ATP1A1: variants seen among roughly 807,000 people sequenced by gnomAD.
The protein encoded by ATP1A1 is ATPase Na+/K+ transporting subunit alpha 1, also known as sodium/potassium-transporting ATPase subunit alpha-1.
ATP1A1 carries 14 observed loss-of-function variants against 114.8 expected under a neutral mutation model. The observed-to-expected ratio is 0.12, with a 90% CI of 0.08 to 0.19. ATP1A1 has a LOEUF of 0.19. Ranked by LOEUF, ATP1A1 falls within the 10% of genes least tolerant of loss-of-function variation. ATP1A1 has a pLI of 1.00. For missense variants in ATP1A1, 524 were observed against 1,290.7 expected, an observed-to-expected ratio of 0.41 and a Z score of 9.10; for synonymous variants, 471 against 466.3, an observed-to-expected ratio of 1.01 and a Z score of -0.13.
At chr1:116,373,779 G>T in intron 1 of ATP1A1, 1 of 1,199,718 alleles carries the variant, frequency 8.3e-7, no homozygotes, top group Non-Finnish European at 1.0e-6. Flanking sequence ...GACCCTGGGC[G>T]GGGGCTGCGC....
At position 116,400,620 on chromosome 1, in the gene ATP1A1, T is replaced by G. The variant is rs185960819; in HGVS notation, c.2573-241T>G. Reference sequence around the variant, plus strand: ...AGAGCAAGGCACATGTGTCTTTGTGTAGGCTCCAAAAAGTGACTCAAAAAG... The same window carrying G: ...AGAGCAAGGCACATGTGTCTTTGTGGAGGCTCCAAAAAGTGACTCAAAAAG... On this transcript the variant is annotated intron_variant, in intron 18 of 22. Transcript: ENST00000295598. 6.6e-4 allele frequency among the ~76,000 whole-genome samples: 100 copies of G among 152,308 alleles called. 1 individual carries two copies. Among genetic ancestry groups the G allele is most frequent in the Admixed American group, 2.2e-3 (34 of 15,300 alleles).
chr1:116,389,201 C>T lies in ATP1A1; in HGVS notation c.754+182C>T, dbSNP rs1036943905. On this transcript the variant is annotated intron_variant, in intron 7 of 22. Coordinates refer to ENST00000295598, the MANE Select transcript of ATP1A1 (RefSeq NM_000701.8). This position sits in a 1 kb window ranked among gnomAD's most constrained non-coding sequence, Gnocchi z 6.9. ...TTGTGGCAGTTTCCCTTCCCTCCAC[C>T]TCCACCCTGCCTCTTCTGTCAACAA... Among the ~76,000 whole-genome samples, 8 of 152,154 alleles carry T rather than the reference C, an allele frequency of 5.3e-5. No homozygotes were observed. The highest frequency in any genetic ancestry group is 1.9e-4 in the African/African-American group (8 of 41,442).
intron 1 of ATP1A1, among the ~76,000 whole-genome samples, chr1:116,376,215 A>G (rs1651355143): frequency 6.6e-6 from 1 of 152,216 alleles, no homozygotes; most frequent in Non-Finnish European, 1.5e-5. Context: ...ATTTACCGAA[A>G]AAATAAATCA....
rs1258644359 is a variant in ATP1A1 at position 116,390,488 on chromosome 1, A to G, written c.1222+77A>G. The G allele has an allele frequency of 2.8e-6, 4 of 1,417,628 alleles. No individual in the cohort carries two copies. The East Asian group carries it at 7.2e-5, about 25-fold the overall frequency. The allele number at this position is 1,417,628 out of a possible 1,614,324, so 87.8% of individuals were successfully genotyped here. A position where few individuals can be genotyped will look rare whatever the true frequency, so the allele number is the denominator to read the frequency against. ...TTTTTTCTTTTAAGAAATTGCATGA[A>G]ATTTCTTTTTTTTTTTTAAGCTCAT... On this transcript the variant is annotated intron_variant, in intron 9 of 22. Coordinates refer to ENST00000295598, the MANE Select transcript of ATP1A1 (RefSeq NM_000701.8).
At position 116,404,686 on chromosome 1, in the gene ATP1A1, G is replaced by GT; in HGVS notation, c.*247dup. 7.8e-7 allele frequency: 1 copy of GT among 1,281,536 alleles called. No individual in the cohort carries two copies. The highest frequency in any genetic ancestry group is 9.8e-7 in the Non-Finnish European group (1 of 1,019,084). 79.4% of individuals were successfully genotyped at this position (1,281,536 alleles called of 1,614,324 possible). On this transcript the variant is annotated 3_prime_UTR_variant, in exon 23 of 23. Transcript: ENST00000295598. This position sits in a 1 kb window ranked among gnomAD's most constrained non-coding sequence, Gnocchi z 4.8. The stretch of plus-strand genomic sequence containing the variant: ...GGGGAAGGTTTTTATGTGCCTTTTT[G>GT]TTTTTGTAAAAAAGGAACACCCGGA...
intron 1 of ATP1A1, among the ~76,000 whole-genome samples, chr1:116,374,415 A>G (rs1029138011): frequency 2.0e-5 from 3 of 152,136 alleles, no homozygotes; most frequent in African/African-American, 4.8e-5. Context: ...AACCCGAAAA[A>G]GGACTGGAGG....
In ATP1A1 at chr1:116,401,156, G is replaced by A; in HGVS notation, c.2745G>A (p.Glu915=). 1.9e-6 allele frequency: 3 copies of A among 1,614,200 alleles called. No homozygotes were observed. The highest frequency in any genetic ancestry group is 1.1e-5 in the South Asian group (1 of 91,090). Residue 915 remains glutamate (E), a synonymous_variant, in exon 20 of 23, where the codon GAG becomes GAA. Transcript: ENST00000295598. The surrounding 1 kb of genome is among the most constrained non-coding windows in gnomAD (Gnocchi z 4.7). ...CCTATGAGCAGAGGAAAATCGTGGA[G>A]TTCACCTGCCACACAGCCTTCTTCG... ...QWTYEQRKIV[E]FTCHTAFFVS...
rs183880157 is a variant in ATP1A1 at position 116,373,893 on chromosome 1, G to T, written c.12+370G>T. On this transcript the variant is annotated intron_variant, in intron 1 of 22. Coordinates refer to ENST00000295598, the MANE Select transcript of ATP1A1 (RefSeq NM_000701.8). ...GCAGCGGGGGCGGCCCCGGGACTGA[G>T]CCGGCATCCCTGAGCCTGGCTCCCC... is the stretch of plus-strand genomic sequence containing the variant. 8.9e-4 allele frequency: 1,158 copies of T among 1,298,496 alleles called. 11 individuals are homozygous for T. The African/African-American group carries it at 0.017, about 19-fold the overall frequency. The allele number at this position is 1,298,496 out of a possible 1,614,324, so 80.4% of individuals were successfully genotyped here.
chr1:116,375,324 C>G (rs1318793571), intron 1 of ATP1A1, among the ~76,000 whole-genome samples: 1 of 152,168 alleles, frequency 6.6e-6, no homozygotes, highest in Non-Finnish European at 1.5e-5. Flanking sequence ...ACATTGAGTT[C>G]TTTATACAGA....
In ATP1A1 at chr1:116,398,880, C is replaced by A. The variant is rs760995312; in HGVS notation, c.2294-50C>A. On this transcript the variant is annotated intron_variant, in intron 16 of 22. Coordinates refer to ENST00000295598, the MANE Select transcript of ATP1A1 (RefSeq NM_000701.8). This position sits in a 1 kb window ranked among gnomAD's most constrained non-coding sequence, Gnocchi z 6.1. ...TATACTTCTTGGATATGTTCAGTTTCCAGTGTGCTTGTCTCATAAGCTAAC... is the reference window on the plus strand; with the variant it reads ...TATACTTCTTGGATATGTTCAGTTTACAGTGTGCTTGTCTCATAAGCTAAC... The A allele has an allele frequency of 6.2e-7, 1 of 1,611,932 alleles. No individual in the cohort carries two copies. Among genetic ancestry groups the A allele is most frequent in the South Asian group, 1.1e-5 (1 of 90,996 alleles).
chr1:116,402,211 T>A (rs1653547769), intron 21 of ATP1A1, among the ~76,000 whole-genome samples: 2 of 152,046 alleles, frequency 1.3e-5, no homozygotes. Flanking sequence ...TGAATGACTC[T>A]GCATTTCAGA....
At position 116,373,366 on chromosome 1, in the gene ATP1A1, G is replaced by GCCCAGCCCCCC; in HGVS notation, c.-143_-142insAGCCCCCCCCC. Reference sequence around the variant, plus strand: ...GCGGCATCGGCCCGAGCCGCCGGCCGCCCTCCCACCCTCCCGCCCCGCGGC... The same window carrying GCCCAGCCCCCC: ...GCGGCATCGGCCCGAGCCGCCGGCCGCCCAGCCCCCCCCCTCCCACCCTCCCGCCCCGCGGC... On this transcript the variant is annotated 5_prime_UTR_variant, in exon 1 of 23. Transcript: ENST00000295598. 2 of 491,886 alleles carry GCCCAGCCCCCC rather than the reference G, an allele frequency of 4.1e-6. No homozygotes were observed. The highest frequency in any genetic ancestry group is 6.4e-4 in the Middle Eastern group (1 of 1,554). The allele number at this position is 491,886 out of a possible 1,614,324, so 30.5% of individuals were successfully genotyped here. A position where few individuals can be genotyped will look rare whatever the true frequency, so the allele number is the denominator to read the frequency against.
intron 8 of ATP1A1, 189 bp from the exon 9 acceptor site, chr1:116,390,024 A>C (rs1261276612): frequency 1.5e-6 from 1 of 687,096 alleles, no homozygotes; most frequent in Non-Finnish European, 2.4e-6. Context: ...TATTTTTCTT[A>C]ATAGATTGCT....
In ATP1A1 at chr1:116,385,010, G is replaced by A. The variant is rs1485350964; in HGVS notation, c.183+168G>A. ...AGAATTTGGGCATTTATATGCTACC[G>A]TTTCTTTTCCCTGAAACTTTTTGAA... On this transcript the variant is annotated intron_variant, in intron 3 of 22. Coordinates refer to ENST00000295598, the MANE Select transcript of ATP1A1 (RefSeq NM_000701.8). This position sits in a 1 kb window ranked among gnomAD's most constrained non-coding sequence, Gnocchi z 4.3. The A allele has an allele frequency of 1.1e-5, 7 of 641,834 alleles. No homozygotes were observed. Among genetic ancestry groups the A allele is most frequent in the African/African-American group, 1.9e-5 (1 of 51,766 alleles). 39.8% of individuals were successfully genotyped at this position (641,834 alleles called of 1,614,324 possible). A position where few individuals can be genotyped will look rare whatever the true frequency, so the allele number is the denominator to read the frequency against.
rs1653435225 is a variant in ATP1A1, at chr1:116,401,050, G to A, written c.2718+44G>A. 6.2e-7 allele frequency: 1 copy of A among 1,612,820 alleles called. No individual in the cohort carries two copies. The highest frequency in any genetic ancestry group is 8.5e-7 in the Non-Finnish European group (1 of 1,178,956). On this transcript the variant is annotated intron_variant, in intron 19 of 22. Coordinates refer to ENST00000295598, the MANE Select transcript of ATP1A1 (RefSeq NM_000701.8). This position sits in a 1 kb window ranked among gnomAD's most constrained non-coding sequence, Gnocchi z 4.7. ...CCTGACCAGTGTCAGAGCTCCTCAA[G>A]CCCCAGAAGACTGAGGCCACACTGC...
Position 116,374,126 on chromosome 1 carries a change from C to T in ATP1A1, c.12+603C>T, listed in dbSNP as rs1453541699. ...GGACGCTGGGGCTTAGCTTGCTCCG[C>T]GCAGAGGCGGCCGCCCTCCCCCAAA... is the stretch of plus-strand genomic sequence containing the variant. On this transcript the variant is annotated intron_variant, in intron 1 of 22. Coordinates refer to ENST00000295598, the MANE Select transcript of ATP1A1 (RefSeq NM_000701.8). 20 of 1,544,238 alleles carry T rather than the reference C, an allele frequency of 1.3e-5. No individual in the cohort carries two copies. In the East Asian group the frequency reaches 4.2e-4, roughly 32 times the overall value.
intron 9 of ATP1A1, 127 bp downstream of exon 9, chr1:116,390,538 T>TG (rs1652378417): frequency 2.4e-6 from 2 of 834,430 alleles, no homozygotes; most frequent in African/African-American, 2.6e-5. Context: ...TCTTTTTTGT[T>TG]TTTTTTTTTT....
chr1:116,385,843 G>A lies in ATP1A1; in HGVS notation c.183+1001G>A, dbSNP rs964451838. ...ATTGTTGGGGTGTAAGAGTAGAGAA[G>A]AGGCCGGGTGCGGTGGCTCATGCCT... On this transcript the variant is annotated intron_variant, in intron 3 of 22. Coordinates refer to ENST00000295598, the MANE Select transcript of ATP1A1 (RefSeq NM_000701.8). This position sits in a 1 kb window ranked among gnomAD's most constrained non-coding sequence, Gnocchi z 4.3. 2.0e-5 allele frequency: 3 copies of A among 152,202 alleles called. No homozygotes were observed. Among genetic ancestry groups the A allele is most frequent in the Admixed American group, 2.0e-4 (3 of 15,266 alleles). The allele number at this position is 152,202 out of a possible 1,614,324, so 9.4% of individuals were successfully genotyped here.
intron 18 of ATP1A1, among the ~76,000 whole-genome samples, chr1:116,400,496 G>A (rs922860461): frequency 1.3e-5 from 2 of 152,214 alleles, no homozygotes; most frequent in African/African-American, 4.8e-5. Context: ...AGATGGAAAA[G>A]AAGTTATCAT....
Sources: allele counts gnomAD v4.1 joint callset (sites outside exome capture counted in the v4.1 genomes callset), GRCh38; gene constraint gnomAD v4.1.1; non-coding constraint Gnocchi (gnomAD v3.1); transcripts MANE v1.5; gene names NCBI Gene and HGNC (gene_info 2026-07-23, HGNC 2026-07-21).